ZNF592: variants seen among roughly 807,000 people sequenced by gnomAD.
The protein encoded by ZNF592 is spinocerebellar ataxia, autosomal recessive 5.
ZNF592 carries 11 observed loss-of-function variants against 80.3 expected under a neutral mutation model. That is an observed-to-expected ratio of 0.14 (90% CI 0.09 to 0.23). ZNF592 has a LOEUF of 0.23. Ranked by LOEUF, ZNF592 falls within the 10% of genes least tolerant of loss-of-function variation. The pLI is 1.00. For missense variants in ZNF592, 1,420 were observed against 1,633.9 expected, an observed-to-expected ratio of 0.87 and a Z score of 2.26; for synonymous variants, 646 against 640.3, an observed-to-expected ratio of 1.01 and a Z score of -0.13.
chr15:84,783,082 C>A lies in ZNF592; in HGVS notation c.407C>A (p.Pro136His), dbSNP rs143182143. 3 of 1,614,104 alleles carry A rather than the reference C, an allele frequency of 1.9e-6. No individual in the cohort carries two copies. Among genetic ancestry groups the A allele is most frequent in the Non-Finnish European group, 2.5e-6 (3 of 1,180,028 alleles). ...GAGCCTCCCAAGTCAGAGCCATTAC[C>A]CACCTTCAACCAGTTCAGTCCAATC... ...KLEPPKSEPL[P>H]TFNQFSPISS... is the part of the protein sequence containing the mutation. Residue 136 changes from proline (P) to histidine (H), a missense_variant, in exon 4 of 11, where the codon CCC (proline) becomes CAC (histidine). By Grantham distance (77) the Pro-to-His change is moderately conservative. Around this residue, in one of 7 missense-constraint regions of ZNF592, gnomAD observed 373 missense variants for 355.5 expected, o/e 1.05. Transcript: ENST00000560079. The surrounding 1 kb of genome is among the most constrained non-coding windows in gnomAD (Gnocchi z 5.0).
In ZNF592 at chr15:84,802,363, G is replaced by T. The variant is rs1171676547; in HGVS notation, c.3774G>T (p.Gln1258His). 1 of 1,613,790 alleles carries T rather than the reference G, an allele frequency of 6.2e-7. No individual in the cohort carries two copies. Among genetic ancestry groups the T allele is most frequent in the Admixed American group, 1.7e-5 (1 of 60,024 alleles). The change falls in exon 11 of 11, where the codon CAG becomes CAT. Residue 1258 changes from glutamine (Q) to histidine (H), a missense_variant. By Grantham distance (24) the Gln-to-His change is conservative. Transcript: ENST00000560079. ...GTCAACCACAGGCCTCTCAGGACCA[G>T]GACAGCCACACACTGTCCCCTCAGG... The part of the protein sequence containing the change: ...DHSQPQASQD[Q>H]DSHTLSPQV
Position 84,798,140 on chromosome 15 carries a change from G to A in ZNF592, c.2576+95G>A. On this transcript the variant is annotated intron_variant, in intron 6 of 10. Coordinates refer to ENST00000560079, the MANE Select transcript of ZNF592 (RefSeq NM_014630.3). This position sits in a 1 kb window ranked among gnomAD's most constrained non-coding sequence, Gnocchi z 4.5. Reference sequence around the variant, plus strand: ...GCATAGGGATGGGTGAGGGAGCTGGGGTTAGTGGCAGAGGTGCCTGGGGTC... The same window carrying A: ...GCATAGGGATGGGTGAGGGAGCTGGAGTTAGTGGCAGAGGTGCCTGGGGTC... 3 of 1,576,802 alleles carry A rather than the reference G, an allele frequency of 1.9e-6. No individual in the cohort carries two copies. Among genetic ancestry groups the A allele is most frequent in the Non-Finnish European group, 2.6e-6 (3 of 1,159,700 alleles).
chr15:84,784,896 G>T lies in ZNF592; in HGVS notation c.2220+1G>T. On this transcript the variant is annotated splice_donor_variant, in intron 4 of 10. Transcript: ENST00000560079. LOFTEE classifies it high-confidence loss of function. This position sits in a 1 kb window ranked among gnomAD's most constrained non-coding sequence, Gnocchi z 5.8. ...GACAACAGAGGAGACAGAGGGGCTG[G>T]TAAGCAGACCCTCACTGTTACGGGT... 1 of 1,614,092 alleles carries T rather than the reference G, an allele frequency of 6.2e-7. No individual in the cohort carries two copies. Among genetic ancestry groups the T allele is most frequent in the Non-Finnish European group, 8.5e-7 (1 of 1,179,992 alleles).
chr15:84,798,979 C>G lies in ZNF592; in HGVS notation c.3024+104C>G. 6.3e-7 allele frequency: 1 copy of G among 1,593,800 alleles called. No homozygotes were observed. Among genetic ancestry groups the G allele is most frequent in the Non-Finnish European group, 8.6e-7 (1 of 1,165,122 alleles). On this transcript the variant is annotated intron_variant, in intron 8 of 10. Transcript: ENST00000560079. This position sits in a 1 kb window ranked among gnomAD's most constrained non-coding sequence, Gnocchi z 4.5. ...CTGGTGCTTAGGGCAGGGTGGGTACCACAGATCTTGAGGTCTTCGGGAGTA... is the reference window on the plus strand; with the variant it reads ...CTGGTGCTTAGGGCAGGGTGGGTACGACAGATCTTGAGGTCTTCGGGAGTA...
intron 1 of ZNF592, among the ~76,000 whole-genome samples, chr15:84,763,358 T>C (rs1010895751): frequency 2.0e-5 from 3 of 152,200 alleles, no homozygotes; most frequent in African/African-American, 7.2e-5. Flanking sequence ...TGATTGCGCA[T>C]GTGAGAGAGA....
At chr15:84,789,777 C>T (rs1355638115) in intron 4 of ZNF592, among the ~76,000 whole-genome samples, 2 of 152,204 alleles carry the variant, frequency 1.3e-5, no homozygotes, top group African/African-American at 4.8e-5. Flanking sequence ...GAGCTGGCTT[C>T]TATATCCCTC....
Position 84,799,889 on chromosome 15 carries a change from A to G in ZNF592, c.3185A>G (p.Glu1062Gly). The change falls in exon 10 of 11, where the codon GAG (glutamate) becomes GGG (glycine). Residue 1062 changes from glutamate to glycine, a missense_variant. Around this residue, in one of 7 missense-constraint regions of ZNF592, gnomAD observed 331 missense variants for 347.0 expected, o/e 0.95. Transcript: ENST00000560079. The surrounding 1 kb of genome is among the most constrained non-coding windows in gnomAD (Gnocchi z 4.2). Reference protein sequence around the residue: ...SPSFPRPSLLESHISLMHGIR... With the variant: ...SPSFPRPSLLGSHISLMHGIR... ...AGCTTTCCTCGGCCCTCCCTTCTGG[A>G]GAGCCACATCAGCCTTATGCATGGC... The G allele has an allele frequency of 6.2e-7, 1 of 1,614,184 alleles. No homozygotes were observed. The highest frequency in any genetic ancestry group is 8.5e-7 in the Non-Finnish European group (1 of 1,180,034).
rs2141993594 is a variant in ZNF592 at position 84,790,790 on chromosome 15, G to C, written c.2306G>C (p.Cys769Ser). ...ATTCATGCACACAAGTCCCCCTACT[G>C]CTGCCCGGAGTGTGGGGTCCTCTGC... ...QRIHAHKSPYCCPECGVLCRS... is the reference protein window; with the variant it reads ...QRIHAHKSPYSCPECGVLCRS... The change falls in exon 5 of 11, where the codon TGC becomes TCC. Residue 769 changes from cysteine (C) to serine (S), a missense_variant. Cys to Ser is a moderately radical substitution (Grantham distance 112, BLOSUM62 -1). This residue lies in a region of ZNF592 where 524 missense variants were observed against 628.3 expected (regional missense o/e 0.83). Transcript: ENST00000560079. 1 of 1,614,222 alleles carries C rather than the reference G, an allele frequency of 6.2e-7. No homozygotes were observed. The highest frequency in any genetic ancestry group is 1.1e-5 in the South Asian group (1 of 91,086).
At chr15:84,760,659 G>C (rs1899323239) in intron 1 of ZNF592, among the ~76,000 whole-genome samples, 1 of 152,182 alleles carries the variant, frequency 6.6e-6, no homozygotes, top group South Asian at 2.1e-4. Flanking sequence ...TGTAGAGATA[G>C]GGTAGCAAAG....
Position 84,799,280 on chromosome 15 carries a change from T to C in ZNF592, c.3137+70T>C. ...ACTCTGTCCGTGGCACCACTGGGGC[T>C]TTTCTGTGCTGCAAGATCAGGTGTC... is the stretch of plus-strand genomic sequence containing the variant. On this transcript the variant is annotated intron_variant, in intron 9 of 10. Transcript: ENST00000560079. This position sits in a 1 kb window ranked among gnomAD's most constrained non-coding sequence, Gnocchi z 4.2. 7.0e-7 allele frequency: 1 copy of C among 1,422,132 alleles called. No individual in the cohort carries two copies. Among genetic ancestry groups the C allele is most frequent in the Non-Finnish European group, 9.9e-7 (1 of 1,005,388 alleles). The allele number at this position is 1,422,132 out of a possible 1,614,324, so 88.1% of individuals were successfully genotyped here.
chr15:84,777,751 G>T (rs1327869666), intron 2 of ZNF592, among the ~76,000 whole-genome samples: 4 of 132,940 alleles, frequency 3.0e-5, no homozygotes, highest in Non-Finnish European at 4.6e-5. Context: ...CCAGGCTGGA[G>T]TGCGGTGGCA....
At chr15:84,795,886 C>A (rs565120048) in intron 5 of ZNF592, among the ~76,000 whole-genome samples, 1 of 152,006 alleles carries the variant, frequency 6.6e-6, no homozygotes, top group Non-Finnish European at 1.5e-5. Flanking sequence ...CCCCTCCCTT[C>A]CAATACACAC....
intron 2 of ZNF592, among the ~76,000 whole-genome samples, chr15:84,777,550 C>T (rs967123735): frequency 2.0e-5 from 3 of 151,140 alleles, no homozygotes; most frequent in African/African-American, 4.9e-5. Flanking sequence ...TAGGCTCAAG[C>T]GGTCATCCCA....
At chr15:84,755,120 G>C (rs943269144) in intron 1 of ZNF592, among the ~76,000 whole-genome samples, 1 of 122,466 alleles carries the variant, frequency 8.2e-6, no homozygotes, top group Non-Finnish European at 1.7e-5. Context: ...ACCACACCCA[G>C]CTAATTTTTT....
intron 3 of ZNF592, among the ~76,000 whole-genome samples, chr15:84,779,663 T>TA (rs933643077): frequency 1.3e-5 from 2 of 152,084 alleles, no homozygotes; most frequent in Non-Finnish European, 2.9e-5. Context: ...AAAATCTCTA[T>TA]AAAAGTTTTT....
rs1052174356 is a variant in ZNF592, at chr15:84,782,833, C to T, written c.158C>T (p.Ser53Phe). Residue 53 changes from serine (S) to phenylalanine (F), a missense_variant, in exon 4 of 11, where the codon TCC becomes TTC. Ser to Phe is a radical substitution (Grantham distance 155). Transcript: ENST00000560079. ...GGCATATGTATGGATGAAAGTGTGT[C>T]CTTGTCTCACTCAGGATCAGCCCCC... ...PPGICMDESV[S>F]LSHSGSAPDV... 6.8e-6 allele frequency: 11 copies of T among 1,614,012 alleles called. No individual in the cohort carries two copies. Among genetic ancestry groups the T allele is most frequent in the Non-Finnish European group, 9.3e-6 (11 of 1,180,030 alleles).
chr15:84,787,194 G>T lies in ZNF592; in HGVS notation c.2220+2299G>T, dbSNP rs936874437. 3.3e-5 allele frequency among the ~76,000 whole-genome samples: 5 copies of T among 152,208 alleles called. No homozygotes were observed. The South Asian group carries it at 1.0e-3, about 32-fold the overall frequency. Reference sequence around the variant, plus strand: ...AATTTGAGTAGGCAGAGGTCTGGGTGTAGGATCCCAGGCTGGCATGGCACC... The same window carrying T: ...AATTTGAGTAGGCAGAGGTCTGGGTTTAGGATCCCAGGCTGGCATGGCACC... On this transcript the variant is annotated intron_variant, in intron 4 of 10. Transcript: ENST00000560079.
chr15:84,774,711 T>C (rs941922897), intron 2 of ZNF592, among the ~76,000 whole-genome samples: 1 of 152,128 alleles, frequency 6.6e-6, no homozygotes, highest in Non-Finnish European at 1.5e-5. Context: ...GCATTTAAAG[T>C]CTGTAGAAAT....
At chr15:84,792,928 G>A (rs2141995206) in intron 5 of ZNF592, among the ~76,000 whole-genome samples, 1 of 152,210 alleles carries the variant, frequency 6.6e-6, no homozygotes, top group South Asian at 2.1e-4. Flanking sequence ...CCAAACATCT[G>A]AATATGTTTT....
Sources: gnomAD v4.1 joint callset for allele counts (sites outside exome capture counted in the v4.1 genomes callset) on GRCh38, gnomAD v4.1.1 for gene constraint, gnomAD v4.1.1 regional missense constraint, Gnocchi (gnomAD v3.1) non-coding constraint, MANE v1.5 for transcripts, NCBI Gene and HGNC (gene_info 2026-07-23, HGNC 2026-07-21) for gene names.